The following PLPPR5 variants were observed in gnomAD, a reference collection of about 807,000 sequenced individuals.
PLPPR5 encodes phospholipid phosphatase-related protein type 5.
Under a neutral mutation model 33.9 loss-of-function variants are expected in PLPPR5, and 16 were observed. That is an observed-to-expected ratio of 0.47 (90% CI 0.32 to 0.72). PLPPR5 has a LOEUF of 0.72. PLPPR5 is among the 30% of genes least tolerant of loss of function. The pLI, the probability that PLPPR5 is intolerant of heterozygous loss-of-function variation, is 0.03. For synonymous variants in PLPPR5, 163 were observed against 150.3 expected (o/e 1.08, Z -0.62); for missense variants, 301 against 406.7 (o/e 0.74, Z 2.23).
intron 3 of PLPPR5, among the ~76,000 whole-genome samples, chr1:98,922,289 A>G (rs535004111): frequency 6.6e-5 from 10 of 152,334 alleles, no homozygotes; most frequent in Non-Finnish European, 1.2e-4. Flanking sequence ...CAAATGGCCA[A>G]TTCTTAGCAT....
intron 1 of PLPPR5, among the ~76,000 whole-genome samples, chr1:98,963,591 A>G (rs1388491605): frequency 6.6e-6 from 1 of 152,154 alleles, no homozygotes. Context: ...GTCTGAATCC[A>G]AGTTCAGAGT....
In PLPPR5 at chr1:98,907,390, CG is replaced by C. The variant is rs1648947109; in HGVS notation, c.933+7395del. ...CTGATTTTTGTATTTTTAGTAGAGG[CG>C]GGGTTTTGTCATGTCGGCCCTCGAA... On this transcript the variant is annotated intron_variant, in intron 5 of 5. Coordinates refer to ENST00000263177, the MANE Select transcript of PLPPR5 (RefSeq NM_001037317.2). Among the ~76,000 whole-genome samples, 7 of 151,800 alleles carry C rather than the reference CG, an allele frequency of 4.6e-5. No individual in the cohort carries two copies. In the South Asian group the frequency reaches 1.5e-3, roughly 32 times the overall value.
At chr1:98,944,016 G>A (rs1177074029) in intron 3 of PLPPR5, among the ~76,000 whole-genome samples, 1 of 152,174 alleles carries the variant, frequency 6.6e-6, no homozygotes, top group Non-Finnish European at 1.5e-5. Flanking sequence ...GAGATAGTTT[G>A]GATGTCCCCC....
At chr1:98,954,880 G>A (rs958710598) in intron 2 of PLPPR5, among the ~76,000 whole-genome samples, 2 of 152,006 alleles carry the variant, frequency 1.3e-5, no homozygotes, top group South Asian at 4.1e-4. Flanking sequence ...TAGGCTGTTT[G>A]GTGTAACGGG....
At chr1:98,957,108 T>A (rs951421394) in intron 1 of PLPPR5, among the ~76,000 whole-genome samples, 2 of 150,290 alleles carry the variant, frequency 1.3e-5, no homozygotes, top group Non-Finnish European at 3.0e-5. Context: ...ACACCACATA[T>A]TCTCACTCAT....
chr1:98,921,759 A>G, intron 4 of PLPPR5, 123 bp downstream of exon 4: 1 of 752,246 alleles, frequency 1.3e-6, no homozygotes, highest in Non-Finnish European at 2.1e-6. Context: ...TTATATACTT[A>G]AATGAATGAT....
intron 1 of PLPPR5, among the ~76,000 whole-genome samples, chr1:98,971,562 C>T (rs1651662124): frequency 1.3e-5 from 2 of 151,914 alleles, no homozygotes; most frequent in African/African-American, 4.8e-5. Flanking sequence ...CTATCCTATC[C>T]AGCCCCTTCA....
intron 1 of PLPPR5, among the ~76,000 whole-genome samples, chr1:98,973,334 A>C (rs899613978): frequency 2.4e-5 from 3 of 125,864 alleles, no homozygotes; most frequent in African/African-American, 8.1e-5. Context: ...TAGGAAGAGA[A>C]TACCGTAAAT....
intron 4 of PLPPR5, among the ~76,000 whole-genome samples, chr1:98,915,532 G>T (rs949328525): frequency 6.6e-6 from 1 of 151,126 alleles, no homozygotes; most frequent in Non-Finnish European, 1.5e-5. Context: ...TTGTGCACAT[G>T]TACCCTAAAA....
At chr1:98,972,134 T>G (rs1379628022) in intron 1 of PLPPR5, among the ~76,000 whole-genome samples, 1 of 152,106 alleles carries the variant, frequency 6.6e-6, no homozygotes, top group Non-Finnish European at 1.5e-5. Flanking sequence ...GATCCTCATT[T>G]AGCAGCCTCT....
chr1:98,957,259 C>T (rs35461168), intron 1 of PLPPR5, among the ~76,000 whole-genome samples: 16,015 of 150,680 alleles, frequency 0.11, 998 homozygotes, highest in East Asian at 0.22. Context: ...GTGGGAGCAG[C>T]GCACCAGCAT....
In PLPPR5 at chr1:99,004,776, G is replaced by C; in HGVS notation, c.-105C>G. On this transcript the variant is annotated 5_prime_UTR_variant, in exon 1 of 6. Coordinates refer to ENST00000263177, the MANE Select transcript of PLPPR5 (RefSeq NM_001037317.2). The stretch of plus-strand genomic sequence containing the variant: ...CCACCGGGGGCGCGGCGGCGGAGGC[G>C]GCGGGAGGACGAGGCACGGGAGGCG... 1.5e-6 allele frequency: 1 copy of C among 681,462 alleles called. No homozygotes were observed. The highest frequency in any genetic ancestry group is 2.0e-6 in the Non-Finnish European group (1 of 494,098). The allele number at this position is 681,462 out of a possible 1,614,324, so 42.2% of individuals were successfully genotyped here. A position where few individuals can be genotyped will look rare whatever the true frequency, so the allele number is the denominator to read the frequency against.
At chr1:98,988,695 A>G (rs1401027108) in intron 1 of PLPPR5, among the ~76,000 whole-genome samples, 2 of 152,144 alleles carry the variant, frequency 1.3e-5, no homozygotes. Flanking sequence ...TAGGACAAGA[A>G]GTTGATGACT....
intron 3 of PLPPR5, 94 bp from the exon 4 acceptor site, chr1:98,922,152 C>A: frequency 8.8e-7 from 1 of 1,134,718 alleles, no homozygotes; most frequent in Non-Finnish European, 1.3e-6. Context: ...TATTTATAGA[C>A]ATATATACGC....
In PLPPR5 at chr1:98,923,021, C is replaced by T. The variant is rs539384054; in HGVS notation, c.622-963G>A. 2.2e-4 allele frequency among the ~76,000 whole-genome samples: 34 copies of T among 151,242 alleles called. No individual in the cohort carries two copies. In the South Asian group the frequency reaches 5.9e-3, roughly 26 times the overall value. ...CAACAACAAAAAAAAACCATAAGTA[C>T]GATAAGGGAAATGTGTCAACTAAAA... On this transcript the variant is annotated intron_variant, in intron 3 of 5. Transcript: ENST00000263177.
At chr1:98,927,058 G>A (rs1649795996) in intron 3 of PLPPR5, among the ~76,000 whole-genome samples, 1 of 152,202 alleles carries the variant, frequency 6.6e-6, no homozygotes, top group Non-Finnish European at 1.5e-5. Context: ...ATTCAGACCT[G>A]TGATGGGGGC....
At chr1:98,931,112 G>A (rs951179866) in intron 3 of PLPPR5, among the ~76,000 whole-genome samples, 3 of 152,078 alleles carry the variant, frequency 2.0e-5, no homozygotes, top group Non-Finnish European at 2.9e-5. Flanking sequence ...TGGAGGAGCA[G>A]GATGACTCTT....
chr1:98,951,592 T>G (rs1360292624), intron 3 of PLPPR5, among the ~76,000 whole-genome samples: 1 of 152,174 alleles, frequency 6.6e-6, no homozygotes, highest in Non-Finnish European at 1.5e-5. Flanking sequence ...GCTTAAAAAC[T>G]TTAAAAAATG....
At chr1:98,923,922 A>G (rs909728557) in intron 3 of PLPPR5, among the ~76,000 whole-genome samples, 1 of 152,224 alleles carries the variant, frequency 6.6e-6, no homozygotes, top group Non-Finnish European at 1.5e-5. Flanking sequence ...CTAATTGAGT[A>G]ACTCCTTGTA....
Sources: allele counts gnomAD v4.1 joint callset (sites outside exome capture counted in the v4.1 genomes callset), GRCh38; gene constraint gnomAD v4.1.1; transcripts MANE v1.5; gene names NCBI Gene and HGNC (gene_info 2026-07-23, HGNC 2026-07-21).